Variants in OSBP2 observed in about 807,000 individuals in gnomAD.
OSBP2 encodes the protein oxysterol binding protein 2, also known as oxysterol-binding protein 2.
OSBP2 carries 66 observed loss-of-function variants against 96.0 expected under a neutral mutation model. That is an observed-to-expected ratio of 0.69 (90% CI 0.56 to 0.84). The LOEUF (loss-of-function observed/expected upper bound fraction) is 0.84. Ranked by LOEUF, OSBP2 falls within the 40% of genes least tolerant of loss-of-function variation. The pLI, the probability that OSBP2 is intolerant of heterozygous loss-of-function variation, is 0.00. For synonymous variants in OSBP2, 525 were observed against 520.9 expected (o/e 1.01, Z -0.11); for missense variants, 1,038 against 1,222.7 (o/e 0.85, Z 2.25).
intron 2 of OSBP2, among the ~76,000 whole-genome samples, chr22:30,783,965 T>G (rs937575543): frequency 2.6e-5 from 4 of 152,208 alleles, no homozygotes; most frequent in Non-Finnish European, 5.9e-5. Flanking sequence ...GCCTTCAGCA[T>G]GTATCTGCAG....
chr22:30,745,192 A>G (rs976943948), intron 2 of OSBP2, among the ~76,000 whole-genome samples: 13 of 152,218 alleles, frequency 8.5e-5, no homozygotes, highest in Non-Finnish European at 1.3e-4. Context: ...GTATAGTTCT[A>G]TCTAATCCTC....
chr22:30,853,307 C>T (rs371527972), intron 2 of OSBP2, among the ~76,000 whole-genome samples: 171 of 152,288 alleles, frequency 1.1e-3, no homozygotes, highest in African/African-American at 3.9e-3. Context: ...GGCACGTGCA[C>T]ATCCAGGAGT....
intron 1 of OSBP2, among the ~76,000 whole-genome samples, chr22:30,706,395 T>G (rs1234515372): frequency 6.6e-6 from 1 of 152,166 alleles, no homozygotes; most frequent in Non-Finnish European, 1.5e-5. Flanking sequence ...TCATTCCATT[T>G]GGCATCTTGT....
At position 30,783,302 on chromosome 22, in the gene OSBP2, CTTTTTTTT is replaced by C. The variant is rs35470453; in HGVS notation, c.853+41956_853+41963del. Among the ~76,000 whole-genome samples the C allele has an allele frequency of 1.2e-4, 4 of 34,704 alleles. No homozygotes were observed. In the East Asian group the frequency reaches 2.4e-3, roughly 21 times the overall value. 22.8% of individuals were successfully genotyped at this position (34,704 alleles called of 152,430 possible). The stretch of plus-strand genomic sequence containing the variant: ...GAGGCAGGGAGTCTCATTCAGAGAG[CTTTTTTTT>C]TTTTTTTTTTTTTTTTTTTTTTGGT... On this transcript the variant is annotated intron_variant, in intron 2 of 13. Coordinates refer to ENST00000332585, the MANE Select transcript of OSBP2 (RefSeq NM_030758.4).
intron 2 of OSBP2, among the ~76,000 whole-genome samples, chr22:30,823,034 C>T (rs2038316395): frequency 1.3e-5 from 2 of 152,118 alleles, no homozygotes; most frequent in African/African-American, 4.8e-5. Flanking sequence ...TTTTATCCAC[C>T]CATCTACCTC....
chr22:30,694,219 G>A (rs907240712), upstream of OSBP2: 3 of 1,549,852 alleles, frequency 1.9e-6, no homozygotes. Context: ...GAACCCGAAC[G>A]ATGTCGTCAC....
At chr22:30,824,186 C>T (rs1395475982) in intron 2 of OSBP2, among the ~76,000 whole-genome samples, 6 of 152,184 alleles carry the variant, frequency 3.9e-5, no homozygotes, top group African/African-American at 9.6e-5. Context: ...GGCCAGACCC[C>T]TCTAGGCCAG....
chr22:30,891,153 A>G (rs1288381478), intron 8 of OSBP2, among the ~76,000 whole-genome samples, 180 bp downstream of exon 8: 1 of 152,232 alleles, frequency 6.6e-6, no homozygotes, highest in Non-Finnish European at 1.5e-5. Flanking sequence ...GGGCAGGCAC[A>G]CGGCCTCCTG....
At chr22:30,828,224 T>C (rs2038444536) in intron 2 of OSBP2, among the ~76,000 whole-genome samples, 1 of 152,166 alleles carries the variant, frequency 6.6e-6, no homozygotes, top group Non-Finnish European at 1.5e-5. Flanking sequence ...GAACAGTAAA[T>C]GGTAAAAGAA....
In OSBP2 at chr22:30,878,401, A is replaced by G. The variant is rs1196695267; in HGVS notation, c.1107+7719A>G. 5.9e-5 allele frequency among the ~76,000 whole-genome samples: 9 copies of G among 152,214 alleles called. No homozygotes were observed. The East Asian group carries it at 1.7e-3, about 29-fold the overall frequency. ...GGCAGTGCTGCTCTGAGCTGAAGGC[A>G]GGGACAGCAGAGTTGCTGTGTGGTT... is the stretch of plus-strand genomic sequence containing the variant. On this transcript the variant is annotated intron_variant, in intron 3 of 13. Coordinates refer to ENST00000332585, the MANE Select transcript of OSBP2 (RefSeq NM_030758.4).
chr22:30,865,390 C>G (rs1031084372), intron 2 of OSBP2, among the ~76,000 whole-genome samples: 2 of 152,060 alleles, frequency 1.3e-5, no homozygotes, highest in African/African-American at 4.8e-5. Context: ...TTTGGGAGGC[C>G]AAGGTGGGTG....
intron 2 of OSBP2, chr22:30,844,499 ATTT>A (rs2147042743): frequency 6.4e-6 from 1 of 157,414 alleles, no homozygotes; most frequent in South Asian, 1.8e-4. Context: ...GAGATGGCTT[ATTT>A]CCTTAAACCT....
At chr22:30,902,970 G>A (rs1327207416) in intron 12 of OSBP2, among the ~76,000 whole-genome samples, 1 of 152,104 alleles carries the variant, frequency 6.6e-6, no homozygotes, top group Non-Finnish European at 1.5e-5. Flanking sequence ...GGGCTTTGCT[G>A]TATCTATCTA....
upstream of OSBP2, chr22:30,694,851 C>T (rs2088993046): frequency 5.1e-6 from 4 of 789,876 alleles, no homozygotes; most frequent in Non-Finnish European, 6.5e-6. Context: ...CCCGGCCCCG[C>T]CCCCGGCCTG....
At chr22:30,788,804 C>T (rs2090633124) in intron 2 of OSBP2, among the ~76,000 whole-genome samples, 2 of 152,102 alleles carry the variant, frequency 1.3e-5, no homozygotes, top group Admixed American at 6.6e-5. Flanking sequence ...CCTCTGCCTC[C>T]CGGGTTCAAG....
At chr22:30,833,447 C>T (rs2038571302) in intron 2 of OSBP2, among the ~76,000 whole-genome samples, 1 of 152,224 alleles carries the variant, frequency 6.6e-6, no homozygotes, top group South Asian at 2.1e-4. Context: ...GCATGGAGCT[C>T]CTGGGCCATA....
At chr22:30,821,470 A>G (rs777140717) in intron 2 of OSBP2, among the ~76,000 whole-genome samples, 2 of 152,172 alleles carry the variant, frequency 1.3e-5, no homozygotes, top group Non-Finnish European at 2.9e-5. Flanking sequence ...ATGTGGATCT[A>G]AGAGACGGAG....
At chr22:30,725,548 A>AAC (rs1555908279) in intron 1 of OSBP2, among the ~76,000 whole-genome samples, 1 of 151,132 alleles carries the variant, frequency 6.6e-6, no homozygotes, top group Non-Finnish European at 1.5e-5. Context: ...ACAAAAACAA[A>AAC]AAAAAAAACA....
At chr22:30,861,345 C>A (rs190333515) in intron 2 of OSBP2, among the ~76,000 whole-genome samples, 9 of 152,154 alleles carry the variant, frequency 5.9e-5, no homozygotes, top group African/African-American at 2.2e-4. Context: ...CCTGGTAGGG[C>A]GGAAGCCCTG....
Sources: gnomAD v4.1 joint callset for allele counts (sites outside exome capture counted in the v4.1 genomes callset) on GRCh38, gnomAD v4.1.1 for gene constraint, MANE v1.5 for transcripts, NCBI Gene and HGNC (gene_info 2026-07-23, HGNC 2026-07-21) for gene names.